The following SEPTIN4 variants were observed in gnomAD, a reference collection of about 807,000 sequenced individuals.
SEPTIN4 encodes septin 4, also known as septin-4.
A neutral mutation model predicts 107.1 loss-of-function variants in SEPTIN4; 52 were observed. The ratio of observed to expected loss-of-function variants is 0.49; its 90% CI spans 0.39 to 0.61. SEPTIN4 has a LOEUF of 0.61. Ranked by LOEUF, SEPTIN4 falls within the 20% of genes least tolerant of loss-of-function variation. SEPTIN4 has a pLI of 0.00. For synonymous variants in SEPTIN4, 417 were observed against 467.0 expected (o/e 0.89, Z 1.38); for missense variants, 1,048 against 1,243.5 (o/e 0.84, Z 2.36).
intron 3 of SEPTIN4, chr17:58,529,031 C>A: frequency 6.5e-7 from 1 of 1,540,350 alleles, no homozygotes; most frequent in South Asian, 1.1e-5. Flanking sequence ...GTGACCAAAT[C>A]ATTTTCTGAC....
In SEPTIN4 at chr17:58,539,260, T is replaced by A. The variant is rs771029336; in HGVS notation, c.1614+1406A>T. 3 of 1,264,464 alleles carry A rather than the reference T, an allele frequency of 2.4e-6. No homozygotes were observed. The South Asian group carries it at 4.3e-5, about 18-fold the overall frequency. The allele number at this position is 1,264,464 out of a possible 1,614,324, so 78.3% of individuals were successfully genotyped here. A position where few individuals can be genotyped will look rare whatever the true frequency, so the allele number is the denominator to read the frequency against. On this transcript the variant is annotated intron_variant, in intron 3 of 13. Transcript: ENST00000672673. ...CTATTTTAGGAAGGAGCCACCCTGT[T>A]GCCAAGGCTTTTGACTTCCTAAACT...
In SEPTIN4 at chr17:58,522,099, C is replaced by A; in HGVS notation, c.2219G>T (p.Trp740Leu). ...FGDAVNNTEC[W>L]KPVAEYIDQQ... ...ATCAATGTATTCTGCCACAGGCTTC[C>A]AGCTGGGGCAGGGACAGACAAGCAG... The change falls in exon 8 of 14, where the codon TGG becomes TTG. Residue 740 changes from tryptophan to leucine, a missense_variant and splice_region_variant. By Grantham distance (61) the Trp-to-Leu change is moderately conservative (BLOSUM62 -2). This residue lies in a region of SEPTIN4 where 261 missense variants were observed against 371.7 expected (regional missense o/e 0.70). Transcript: ENST00000672673. The A allele has an allele frequency of 6.2e-7, 1 of 1,614,152 alleles. No homozygotes were observed. The highest frequency in any genetic ancestry group is 8.5e-7 in the Non-Finnish European group (1 of 1,180,028).
chr17:58,530,598 G>A (rs3744111), intron 3 of SEPTIN4: 34,459 of 152,264 alleles, frequency 0.23, 4,257 homozygotes, highest in South Asian at 0.33. Flanking sequence ...GTGTGGCCTC[G>A]GACAAGCCGA....
At position 58,543,976 on chromosome 17, in the gene SEPTIN4, C is replaced by T. The variant is rs200694148; in HGVS notation, c.211G>A (p.Val71Ile). The T allele has an allele frequency of 1.1e-3, 1,804 of 1,613,838 alleles. 20 individuals carry two copies. In the South Asian group the frequency reaches 0.019, roughly 17 times the overall value. ...PHSASDYPRSVSLQSGPGHYA... is the reference protein window; with the variant it reads ...PHSASDYPRSISLQSGPGHYA... ...TGTCCAGGTCCTGACTGGAGGGAGA[C>T]AGATCGAGGGTAGTCTGATGCTGAA... Residue 71 changes from valine to isoleucine, a missense_variant, in exon 1 of 14, where the codon GTC becomes ATC. By Grantham distance (29) the Val-to-Ile change is conservative. Transcript: ENST00000672673.
At chr17:58,525,343 G>A in intron 6 of SEPTIN4, 142 bp from the exon 7 acceptor site, 2 of 1,007,958 alleles carry the variant, frequency 2.0e-6, no homozygotes, top group Non-Finnish European at 2.9e-6. Context: ...CTGGGGGACT[G>A]TTCTCTGGGA....
chr17:58,521,404 C>T lies in SEPTIN4; in HGVS notation c.2572-54G>A. ...ACCCTCTGTTCTCACCTCTTTCTTT[C>T]CACCTGTATCGTCATCTTCTCTGCT... is the stretch of plus-strand genomic sequence containing the variant. On this transcript the variant is annotated intron_variant, in intron 10 of 13. Transcript: ENST00000672673. This position sits in a 1 kb window ranked among gnomAD's most constrained non-coding sequence, Gnocchi z 6.4. 3 of 1,585,388 alleles carry T rather than the reference C, an allele frequency of 1.9e-6. No individual in the cohort carries two copies.
At chr17:58,535,774 C>T (rs1787206584) in intron 3 of SEPTIN4, among the ~76,000 whole-genome samples, 1 of 152,234 alleles carries the variant, frequency 6.6e-6, no homozygotes, top group Non-Finnish European at 1.5e-5. Context: ...CTGCTCACTT[C>T]AAATCAGCAA....
rs1377755001 is a variant in SEPTIN4, at chr17:58,540,654, G to A, written c.1614+12C>T. The A allele has an allele frequency of 3.7e-6, 5 of 1,361,598 alleles. No individual in the cohort carries two copies. The highest frequency in any genetic ancestry group is 4.7e-6 in the Non-Finnish European group (5 of 1,063,182). 84.3% of individuals were successfully genotyped at this position (1,361,598 alleles called of 1,614,324 possible). A position where few individuals can be genotyped will look rare whatever the true frequency, so the allele number is the denominator to read the frequency against. On this transcript the variant is annotated intron_variant, in intron 3 of 13. Transcript: ENST00000672673. ...AGGAAGACTGGGAGTAACCTCCCAG[G>A]GGCATTCTTACCTCCTCATCTGTCA...
At chr17:58,539,225 C>A in intron 3 of SEPTIN4, 2 of 1,480,690 alleles carry the variant, frequency 1.4e-6, no homozygotes, top group East Asian at 2.5e-5. Context: ...TTATCGAGAC[C>A]GGATAAGAGC....
intron 6 of SEPTIN4, chr17:58,525,448 C>T: frequency 1.6e-6 from 1 of 613,976 alleles, no homozygotes; most frequent in Non-Finnish European, 2.8e-6. Flanking sequence ...TTCTTGGATT[C>T]CTGGAATCCT....
intron 3 of SEPTIN4, chr17:58,527,856 A>G (rs1398640115): frequency 2.0e-6 from 2 of 985,636 alleles, no homozygotes; most frequent in Non-Finnish European, 2.4e-6. Flanking sequence ...AGTGCACGAG[A>G]GGGCCTGGCC....
intron 7 of SEPTIN4, among the ~76,000 whole-genome samples, chr17:58,523,894 A>C (rs902285234): frequency 6.6e-6 from 1 of 152,074 alleles, no homozygotes; most frequent in South Asian, 2.1e-4. Flanking sequence ...GAGAGGTGGT[A>C]AGGGCTGGTA....
At chr17:58,525,447 T>A (rs1345436331) in intron 6 of SEPTIN4, 12 of 613,946 alleles carry the variant, frequency 2.0e-5, no homozygotes. Flanking sequence ...TTTCTTGGAT[T>A]CCTGGAATCC....
rs114669726 is a variant in SEPTIN4, at chr17:58,544,158, T to C, written c.29A>G (p.Lys10Arg). MVKTNKPGA[K>R]VAVSAQRGSE... Reference sequence around the variant, plus strand: ...CCCTCTCTGTGCTGAAACCGCTACCTTGGCCCCAGGTTTATTTGTCTTGAC... The same window carrying C: ...CCCTCTCTGTGCTGAAACCGCTACCCTGGCCCCAGGTTTATTTGTCTTGAC... Residue 10 changes from lysine to arginine, a missense_variant, in exon 1 of 14, where the codon AAG becomes AGG. Lys to Arg is a conservative substitution (Grantham distance 26). Around this residue, in one of 2 missense-constraint regions of SEPTIN4, gnomAD observed 787 missense variants for 871.8 expected, o/e 0.90. Coordinates refer to ENST00000672673, the MANE Select transcript of SEPTIN4 (RefSeq NM_001368771.2). The C allele has an allele frequency of 5.1e-3, 8,163 of 1,613,258 alleles. 309 individuals carry two copies. The African/African-American group carries it at 0.087, about 17-fold the overall frequency.
rs2043956046 is a variant in SEPTIN4 at position 58,543,897 on chromosome 17, G to A, written c.290C>T (p.Ser97Phe). ...GPETGPRTESSRHSSPHLKSQ... is the reference protein window; with the variant it reads ...GPETGPRTESFRHSSPHLKSQ... ...CTTTAGATGGGGAGAGGAATGGCGG[G>A]ATGATTCTGTTCTTGGTCCAGTCTC... Residue 97 changes from serine to phenylalanine, a missense_variant, in exon 1 of 14, where the codon TCC becomes TTC. Coordinates refer to ENST00000672673, the MANE Select transcript of SEPTIN4 (RefSeq NM_001368771.2). 3 of 1,613,954 alleles carry A rather than the reference G, an allele frequency of 1.9e-6. No individual in the cohort carries two copies. Among genetic ancestry groups the A allele is most frequent in the African/African-American group, 1.3e-5 (1 of 74,920 alleles).
At chr17:58,527,278 C>A in intron 3 of SEPTIN4, 1 of 571,256 alleles carries the variant, frequency 1.8e-6, no homozygotes, top group Non-Finnish European at 3.2e-6. Flanking sequence ...TTCTGGTCTC[C>A]TTCTCAGCAG....
At chr17:58,525,539 G>T in intron 6 of SEPTIN4, 156 bp downstream of exon 6, 1 of 668,122 alleles carries the variant, frequency 1.5e-6, no homozygotes. Context: ...GAGCTGGCTG[G>T]TGGGCTGCCA....
intron 3 of SEPTIN4, chr17:58,529,561 C>T (rs2043282147): frequency 2.2e-6 from 1 of 453,080 alleles, no homozygotes; most frequent in African/African-American, 2.1e-5. Flanking sequence ...ATCCATTTGA[C>T]CTCTCCTGTT....
At chr17:58,526,157 G>A (rs1277874515) in intron 5 of SEPTIN4, 63 bp downstream of exon 5, 27 of 1,489,052 alleles carry the variant, frequency 1.8e-5, no homozygotes, top group African/African-American at 1.3e-4. Flanking sequence ...TCCCACTCAC[G>A]GACACACACA....
Sources: gnomAD v4.1 joint callset for allele counts (sites outside exome capture counted in the v4.1 genomes callset) on GRCh38, gnomAD v4.1.1 for gene constraint, gnomAD v4.1.1 regional missense constraint, Gnocchi (gnomAD v3.1) non-coding constraint, MANE v1.5 for transcripts, NCBI Gene and HGNC (gene_info 2026-07-23, HGNC 2026-07-21) for gene names.